SYNE2: variants seen among roughly 807,000 people sequenced by gnomAD.
SYNE2 encodes spectrin repeat containing nuclear envelope protein 2, also known as nesprin-2.
SYNE2 carries 431 observed loss-of-function variants against 856.3 expected under a neutral mutation model. The ratio of observed to expected loss-of-function variants is 0.50; its 90% CI spans 0.47 to 0.55. SYNE2 has a LOEUF of 0.55. SYNE2 is among the 20% of genes least tolerant of loss of function. The probability of loss-of-function intolerance (pLI) is 0.00; values close to 1 mark genes in which losing one functional copy is unlikely to be tolerated. For missense variants in SYNE2, 8,129 were observed against 8,023.2 expected (o/e 1.01, Z -0.50); for synonymous variants, 2,923 against 2,872.3 (o/e 1.02, Z -0.56).
chr14:64,156,263 G>A (rs551839657), intron 85 of SYNE2, among the ~76,000 whole-genome samples: 1 of 152,172 alleles, frequency 6.6e-6, no homozygotes, highest in African/African-American at 2.4e-5. Flanking sequence ...TTTATCTGTG[G>A]AAGCTGCAAA....
In SYNE2 at chr14:63,977,835, A is replaced by G. The variant is rs1028143208; in HGVS notation, c.1294-70A>G. 6.6e-6 allele frequency: 7 copies of G among 1,059,978 alleles called. No homozygotes were observed. In the Admixed American group the frequency reaches 1.2e-4, roughly 18 times the overall value. The allele number at this position is 1,059,978 out of a possible 1,614,324, so 65.7% of individuals were successfully genotyped here. A position where few individuals can be genotyped will look rare whatever the true frequency, so the allele number is the denominator to read the frequency against. ...TTTGAAAAAAGATGTAATGCAAGTG[A>G]GATTGACAAACCCTTAATTACAGTG... On this transcript the variant is annotated intron_variant, in intron 12 of 115. Transcript: ENST00000555002.
intron 72 of SYNE2, 43 bp from the exon 73 acceptor site, chr14:64,126,555 G>C: frequency 1.9e-6 from 3 of 1,614,160 alleles, no homozygotes; most frequent in Non-Finnish European, 2.5e-6. Context: ...GAAGCCTCTT[G>C]AGGTCAGAGC....
chr14:64,045,619 C>T (rs1468512536), intron 45 of SYNE2, among the ~76,000 whole-genome samples: 1 of 152,158 alleles, frequency 6.6e-6, no homozygotes, highest in Non-Finnish European at 1.5e-5. Context: ...GATGCTGCTG[C>T]CCTAGGTGTA....
chr14:63,894,219 T>A (rs1334893598), intron 1 of SYNE2, among the ~76,000 whole-genome samples: 1 of 151,982 alleles, frequency 6.6e-6, no homozygotes, highest in Non-Finnish European at 1.5e-5. Flanking sequence ...TTTTTTTTTT[T>A]TTGAGACAGG....
At chr14:63,879,426 G>A (rs1172267501) in intron 1 of SYNE2, among the ~76,000 whole-genome samples, 1 of 152,162 alleles carries the variant, frequency 6.6e-6, no homozygotes, top group African/African-American at 2.4e-5. Context: ...ATCCTTGGGA[G>A]AAGCAGTCGG....
intron 49 of SYNE2, among the ~76,000 whole-genome samples, chr14:64,057,549 A>G (rs1194849388): frequency 6.6e-6 from 1 of 152,152 alleles, no homozygotes; most frequent in Non-Finnish European, 1.5e-5. Flanking sequence ...CTTGCTTCCA[A>G]ATCTTGACTA....
At chr14:64,148,321 C>A (rs1261756719) in intron 84 of SYNE2, among the ~76,000 whole-genome samples, 1 of 152,116 alleles carries the variant, frequency 6.6e-6, no homozygotes, top group Non-Finnish European at 1.5e-5. Context: ...TCTCTAATAA[C>A]AATAATAATC....
chr14:63,897,320 T>C (rs1160781443), intron 1 of SYNE2, among the ~76,000 whole-genome samples: 1 of 152,192 alleles, frequency 6.6e-6, no homozygotes, highest in African/African-American at 2.4e-5. Context: ...ATGTCTATCC[T>C]TTGTGCTGGC....
chr14:64,089,143 A>T (rs1015212182), intron 58 of SYNE2, among the ~76,000 whole-genome samples: 2 of 152,128 alleles, frequency 1.3e-5, no homozygotes, highest in East Asian at 3.9e-4. Context: ...AGGCGGGTGG[A>T]TCACCTGCGG....
At chr14:63,907,864 C>T (rs1047988124) in intron 1 of SYNE2, among the ~76,000 whole-genome samples, 1 of 152,122 alleles carries the variant, frequency 6.6e-6, no homozygotes, top group Non-Finnish European at 1.5e-5. Flanking sequence ...AACTCTTTTA[C>T]CTCAGGCTGG....
At chr14:63,882,880 C>T (rs1326482146) in intron 1 of SYNE2, among the ~76,000 whole-genome samples, 4 of 151,932 alleles carry the variant, frequency 2.6e-5, no homozygotes, top group African/African-American at 9.7e-5. Flanking sequence ...CTTCCATGAG[C>T]CTTGGTTTCA....
chr14:63,909,626 A>G (rs958748757), intron 2 of SYNE2, among the ~76,000 whole-genome samples: 1 of 152,070 alleles, frequency 6.6e-6, no homozygotes, highest in Non-Finnish European at 1.5e-5. Flanking sequence ...CGGATCACCC[A>G]AGGTCAGGAG....
intron 84 of SYNE2, among the ~76,000 whole-genome samples, chr14:64,150,551 GGTGTGTGTGT>G (rs4027399): frequency 6.7e-6 from 1 of 150,072 alleles, no homozygotes; most frequent in African/African-American, 2.4e-5. Context: ...ATTTTTGAAG[GGTGTGTGTGT>G]GTGTGTGTGT....
intron 1 of SYNE2, among the ~76,000 whole-genome samples, chr14:63,862,505 G>A (rs912316292): frequency 6.6e-6 from 1 of 152,128 alleles, no homozygotes; most frequent in Non-Finnish European, 1.5e-5. Flanking sequence ...TAAGGGGCTG[G>A]GATTAGAGGC....
chr14:63,869,654 A>AAC (rs1417307685), intron 1 of SYNE2, among the ~76,000 whole-genome samples: 2 of 151,402 alleles, frequency 1.3e-5, no homozygotes, highest in African/African-American at 2.4e-5. Flanking sequence ...AAAAAAAAAA[A>AAC]AAAAACTGCT....
chr14:64,123,035 G>A (rs1028196992), intron 70 of SYNE2, among the ~76,000 whole-genome samples: 1 of 151,278 alleles, frequency 6.6e-6, no homozygotes, highest in African/African-American at 2.4e-5. Context: ...GGAGGCGGAG[G>A]TTATGGTGAG....
At chr14:63,991,521 A>G (rs1173042414) in intron 21 of SYNE2, among the ~76,000 whole-genome samples, 1 of 152,232 alleles carries the variant, frequency 6.6e-6, no homozygotes, top group African/African-American at 2.4e-5. Flanking sequence ...AATGTAAAAA[A>G]AACCATTATT....
chr14:64,133,749 C>G (rs1176411259), intron 77 of SYNE2, among the ~76,000 whole-genome samples: 2 of 152,176 alleles, frequency 1.3e-5, no homozygotes, highest in Non-Finnish European at 2.9e-5. Flanking sequence ...TCCAAGGTCT[C>G]TACGGAGTTG....
Position 64,026,712 on chromosome 14 carries a change from T to C in SYNE2, c.6386T>C (p.Leu2129Ser). The C allele has an allele frequency of 6.2e-7, 1 of 1,610,334 alleles. No homozygotes were observed. Among genetic ancestry groups the C allele is most frequent in the Non-Finnish European group, 8.5e-7 (1 of 1,178,058 alleles). The change falls in exon 42 of 116, where the codon TTA becomes TCA. Residue 2129 changes from leucine (L) to serine (S), a missense_variant. This residue lies in a region of SYNE2 where 297 missense variants were observed against 380.9 expected (regional missense o/e 0.78). Transcript: ENST00000555002. Reference sequence around the variant, plus strand: ...AACCAGTGGGACAACACACTCCATTTAGCTAGCACCTACCTAAGGTAAAGG... The same window carrying C: ...AACCAGTGGGACAACACACTCCATTCAGCTAGCACCTACCTAAGGTAAAGG... ...ISNQWDNTLH[L>S]ASTYLSHQEK...
Sources: allele counts gnomAD v4.1 joint callset (sites outside exome capture counted in the v4.1 genomes callset), GRCh38; gene constraint gnomAD v4.1.1; regional missense constraint gnomAD v4.1.1; transcripts MANE v1.5; gene names NCBI Gene and HGNC (gene_info 2026-07-23, HGNC 2026-07-21).